Variants in SLC5A8 observed in about 807,000 individuals in gnomAD.
SLC5A8 encodes the protein sodium-coupled monocarboxylate transporter 1.
In SLC5A8, 55 loss-of-function variants were observed where a neutral mutation model predicts 71.9. That is an observed-to-expected ratio of 0.77 (90% CI 0.62 to 0.96). The LOEUF is 0.96. Among genes scored for constraint, SLC5A8 ranks in the 40% least tolerant of loss-of-function variants. The pLI, the probability that SLC5A8 is intolerant of heterozygous loss-of-function variation, is 0.00. For missense variants in SLC5A8, 701 were observed against 745.3 expected (o/e 0.94, Z 0.69); for synonymous variants, 307 against 276.1 (o/e 1.11, Z -1.11).
At chr12:101,165,112 G>C (rs905312199) in intron 12 of SLC5A8, among the ~76,000 whole-genome samples, 6 of 152,164 alleles carry the variant, frequency 3.9e-5, no homozygotes, top group African/African-American at 9.7e-5. Context: ...GGCTGGGAGA[G>C]GAAGATTTTC....
Position 101,193,774 on chromosome 12 carries a change from A to T in SLC5A8, c.543T>A (p.Gly181=), listed in dbSNP as rs762748959. 1.1e-5 allele frequency: 17 copies of T among 1,613,948 alleles called. No homozygotes were observed. In the South Asian group the frequency reaches 1.8e-4, roughly 17 times the overall value. The part of the protein sequence containing the change: ...VVCTFYCTLG[G]LKAVIWTDVF... ...CATCTGTCCAGATAACTGCTTTAAG[A>T]CCACCCTTTGAGGGGAAAGTATATT... Residue 181 remains glycine (G), a synonymous_variant, in exon 5 of 15, where the codon GGT becomes GGA. Coordinates refer to ENST00000536262, the MANE Select transcript of SLC5A8 (RefSeq NM_145913.5).
chr12:101,202,648 A>G (rs1869507433), intron 2 of SLC5A8, among the ~76,000 whole-genome samples: 1 of 152,132 alleles, frequency 6.6e-6, no homozygotes, highest in Admixed American at 6.5e-5. Flanking sequence ...AAAATTTGGA[A>G]AGCCTATTTC....
intron 12 of SLC5A8, among the ~76,000 whole-genome samples, chr12:101,164,772 T>C (rs556034690): frequency 6.6e-6 from 1 of 152,348 alleles, no homozygotes; most frequent in East Asian, 1.9e-4. Flanking sequence ...CATGATATCC[T>C]GTGAATATTA....
intron 2 of SLC5A8, 36 bp from the exon 3 acceptor site, chr12:101,202,251 AATTAT>A: frequency 6.7e-7 from 1 of 1,485,502 alleles, no homozygotes; most frequent in Non-Finnish European, 9.0e-7. Flanking sequence ...GAATTATATG[AATTAT>A]AAAATTCATG....
In SLC5A8 at chr12:101,158,274, A is replaced by T. The variant is rs1942902162; in HGVS notation, c.1685T>A (p.Leu562Ter). ...TTTCTTAAAAATATCAAAATTGGAT[A>T]AAAAGTCCTCTTTGGTTAGTATGTA... ...PRYILTKEDF[L>*]SNFDIFKKKK... is the part of the protein sequence containing the mutation. Residue 562 changes from leucine to a stop codon, truncating the protein, a stop_gained, in exon 14 of 15, where the codon TTA becomes TAA. Coordinates refer to ENST00000536262, the MANE Select transcript of SLC5A8 (RefSeq NM_145913.5). LOFTEE classifies it high-confidence loss of function. 1.3e-6 allele frequency: 2 copies of T among 1,591,596 alleles called. No individual in the cohort carries two copies. Among genetic ancestry groups the T allele is most frequent in the African/African-American group, 2.7e-5 (2 of 73,698 alleles).
intron 10 of SLC5A8, among the ~76,000 whole-genome samples, chr12:101,171,200 T>C (rs1411391695): frequency 6.6e-6 from 1 of 152,072 alleles, no homozygotes; most frequent in Non-Finnish European, 1.5e-5. Flanking sequence ...AAGCTATGCT[T>C]GTAAGGGTAA....
At chr12:101,205,217 G>T (rs1231690558) in intron 1 of SLC5A8, among the ~76,000 whole-genome samples, 1 of 152,174 alleles carries the variant, frequency 6.6e-6, no homozygotes, top group Non-Finnish European at 1.5e-5. Context: ...GGCCTGAAAA[G>T]GCTGCCCCGG....
In SLC5A8 at chr12:101,167,174, G is replaced by A. The variant is rs984786622; in HGVS notation, c.1321-475C>T. ...TTTTTCTAATACTTAACAAACTAATGCATTTCATCACGCAAAGAATCTAAT... is the reference window on the plus strand; with the variant it reads ...TTTTTCTAATACTTAACAAACTAATACATTTCATCACGCAAAGAATCTAAT... On this transcript the variant is annotated intron_variant, in intron 11 of 14. Coordinates refer to ENST00000536262, the MANE Select transcript of SLC5A8 (RefSeq NM_145913.5). Among the ~76,000 whole-genome samples, 3 of 152,142 alleles carry A rather than the reference G, an allele frequency of 2.0e-5. 1 individual carries two copies. Among genetic ancestry groups the A allele is most frequent in the Admixed American group, 1.3e-4 (2 of 15,262 alleles).
At position 101,209,478 on chromosome 12, in the gene SLC5A8, C is replaced by A; in HGVS notation, c.351+20G>T. The A allele has an allele frequency of 7.0e-7, 1 of 1,419,436 alleles. No homozygotes were observed. Among genetic ancestry groups the A allele is most frequent in the South Asian group, 1.3e-5 (1 of 77,098 alleles). The allele number at this position is 1,419,436 out of a possible 1,614,324, so 87.9% of individuals were successfully genotyped here. On this transcript the variant is annotated intron_variant, in intron 1 of 14. Transcript: ENST00000536262. ...CCTTCCCCCGCGCCCTGCATGGTCC[C>A]AGCCCACCCTGCCCCTTACCTCGTA... is the stretch of plus-strand genomic sequence containing the variant.
At position 101,187,420 on chromosome 12, in the gene SLC5A8, G is replaced by T; in HGVS notation, c.929C>A (p.Pro310His). 1 of 1,613,824 alleles carries T rather than the reference G, an allele frequency of 6.2e-7. No individual in the cohort carries two copies. Among genetic ancestry groups the T allele is most frequent in the East Asian group, 2.2e-5 (1 of 44,862 alleles). Residue 310 changes from proline (P) to histidine (H), a missense_variant, in exon 7 of 15, where the codon CCT (proline) becomes CAT (histidine). Physicochemically the swap from Pro to His is moderately conservative, Grantham distance 77. Coordinates refer to ENST00000536262, the MANE Select transcript of SLC5A8 (RefSeq NM_145913.5). ...TGCAGACACTTTCTTGGCTGTCCAAGGATCACAGTCATGGTACCTGGAATA... is the reference window on the plus strand; with the variant it reads ...TGCAGACACTTTCTTGGCTGTCCAATGATCACAGTCATGGTACCTGGAATA... ...ALYSRYHDCDPWTAKKVSAPD... is the reference protein window; with the variant it reads ...ALYSRYHDCDHWTAKKVSAPD...
intron 5 of SLC5A8, among the ~76,000 whole-genome samples, chr12:101,191,070 T>C: frequency 6.6e-6 from 1 of 152,208 alleles, no homozygotes. Context: ...GTAATCATAG[T>C]TCTAATCTAT....
Position 101,157,282 on chromosome 12 carries a change from C to A in SLC5A8, c.1830G>T (p.Leu610Phe). Residue 610 changes from leucine (L) to phenylalanine (F), a missense_variant, in exon 15 of 15, where the codon TTG becomes TTT. By Grantham distance (22) the Leu-to-Phe change is conservative (BLOSUM62 0). Coordinates refer to ENST00000536262, the MANE Select transcript of SLC5A8 (RefSeq NM_145913.5). ...DQSGKSNGTR[L>F] Reference sequence around the variant, plus strand: ...GATATCTAGTATCAGAGCAGCTTCACAAACGAGTCCCATTGCTCTTGCCAC... The same window carrying A: ...GATATCTAGTATCAGAGCAGCTTCAAAAACGAGTCCCATTGCTCTTGCCAC... The A allele has an allele frequency of 6.2e-7, 1 of 1,612,146 alleles. No homozygotes were observed. Among genetic ancestry groups the A allele is most frequent in the South Asian group, 1.1e-5 (1 of 90,766 alleles).
intron 8 of SLC5A8, 55 bp downstream of exon 8, chr12:101,184,079 A>G: frequency 2.6e-6 from 4 of 1,556,678 alleles, no homozygotes; most frequent in Non-Finnish European, 3.5e-6. Flanking sequence ...GTATCTAATA[A>G]TAAAAGAAAG....
intron 10 of SLC5A8, among the ~76,000 whole-genome samples, chr12:101,179,133 C>T (rs2051908650): frequency 6.6e-6 from 1 of 151,672 alleles, no homozygotes; most frequent in African/African-American, 2.4e-5. Context: ...ATCAGAATGG[C>T]TAATATAAAA....
chr12:101,173,094 G>A (rs1237260525), intron 10 of SLC5A8, among the ~76,000 whole-genome samples: 2 of 152,210 alleles, frequency 1.3e-5, no homozygotes, highest in South Asian at 2.1e-4. Context: ...GGACTGCAGG[G>A]ACAGTTATGT....
intron 7 of SLC5A8, among the ~76,000 whole-genome samples, chr12:101,185,575 T>C (rs1460726469): frequency 1.3e-5 from 2 of 152,032 alleles, no homozygotes; most frequent in African/African-American, 2.4e-5. Context: ...AGGGGTTTTT[T>C]TGTATTTTTT....
At chr12:101,183,035 CTTTTTTTTTTTTTTTTT>C (rs34182928) in intron 8 of SLC5A8, 120 bp from the exon 9 acceptor site, 3 of 74,552 alleles carry the variant, frequency 4.0e-5, no homozygotes, top group African/African-American at 1.2e-4. Flanking sequence ...TTCTACTATG[CTTTTTTTTTTTTTTTTT>C]TTTTTTTTTT....
chr12:101,164,689 C>T (rs1197763307), intron 12 of SLC5A8, among the ~76,000 whole-genome samples: 2 of 151,952 alleles, frequency 1.3e-5, no homozygotes, highest in Non-Finnish European at 2.9e-5. Flanking sequence ...ACCTGACTAA[C>T]TCCAGCCCAT....
chr12:101,185,881 G>A (rs1868615636), intron 7 of SLC5A8, among the ~76,000 whole-genome samples: 1 of 152,130 alleles, frequency 6.6e-6, no homozygotes, highest in African/African-American at 2.4e-5. Context: ...ACTGAGCGAG[G>A]ATAAGGTTTT....
Sources: allele counts gnomAD v4.1 joint callset (sites outside exome capture counted in the v4.1 genomes callset), GRCh38; gene constraint gnomAD v4.1.1; transcripts MANE v1.5; gene names NCBI Gene and HGNC (gene_info 2026-07-23, HGNC 2026-07-21).